Variants in GRIK3 observed in about 807,000 individuals in gnomAD.
GRIK3 encodes the protein glutamate receptor ionotropic, kainate 3.
GRIK3 carries 29 observed loss-of-function variants against 102.5 expected under a neutral mutation model. That is an observed-to-expected ratio of 0.28 (90% CI 0.21 to 0.39). GRIK3 has a LOEUF of 0.39. Among genes scored for constraint, GRIK3 ranks in the 10% least tolerant of loss-of-function variants. The pLI, the probability that GRIK3 is intolerant of heterozygous loss-of-function variation, is 1.00. For synonymous variants in GRIK3, 511 were observed against 504.9 expected (o/e 1.01, Z -0.16); for missense variants, 908 against 1,252.4 (o/e 0.73, Z 4.15).
At chr1:36,975,357 C>T (rs564408929) in intron 1 of GRIK3, among the ~76,000 whole-genome samples, 6 of 141,250 alleles carry the variant, frequency 4.2e-5, no homozygotes, top group South Asian at 2.3e-4. Context: ...TGCAGTGGCA[C>T]GATCTCAGCT....
chr1:36,954,180 G>T lies in GRIK3; in HGVS notation c.116-63084C>A, dbSNP rs116245849. On this transcript the variant is annotated intron_variant, in intron 1 of 15. Transcript: ENST00000373091. ...GCTTCTCAGGGTGAGATAGAGGGGGGCATTCCTGTTGGGAAGCTCTCACCC... is the reference window on the plus strand; with the variant it reads ...GCTTCTCAGGGTGAGATAGAGGGGGTCATTCCTGTTGGGAAGCTCTCACCC... Among the ~76,000 whole-genome samples, 1,461 of 152,306 alleles carry T rather than the reference G, an allele frequency of 9.6e-3. 14 individuals carry two copies. The highest frequency in any genetic ancestry group is 0.017 in the Middle Eastern group (5 of 294).
In GRIK3 at chr1:37,034,380, C is replaced by T. The variant is rs1286281347; in HGVS notation, c.-272G>A. On this transcript the variant is annotated 5_prime_UTR_variant, in exon 1 of 16. Transcript: ENST00000373091. ...CCCGGACTCCGCTCGGACTCGGCTC[C>T]GGCTCCGACTCGCGTCGGCTCGGCT... is the stretch of plus-strand genomic sequence containing the variant. Among the ~76,000 whole-genome samples, 3 of 150,930 alleles carry T rather than the reference C, an allele frequency of 2.0e-5. No individual in the cohort carries two copies. The highest frequency in any genetic ancestry group is 4.4e-5 in the Non-Finnish European group (3 of 67,566).
At chr1:36,967,834 G>A (rs1171649494) in intron 1 of GRIK3, among the ~76,000 whole-genome samples, 1 of 152,168 alleles carries the variant, frequency 6.6e-6, no homozygotes, top group Non-Finnish European at 1.5e-5. Flanking sequence ...AGCACATCCT[G>A]TTATGATAAT....
chr1:37,009,908 G>A (rs1392557139), intron 1 of GRIK3, among the ~76,000 whole-genome samples: 2 of 152,104 alleles, frequency 1.3e-5, no homozygotes, highest in South Asian at 2.1e-4. Flanking sequence ...GGAGCTTGGA[G>A]GGGGTGGCCT....
chr1:36,996,904 A>G (rs1327334652), intron 1 of GRIK3, among the ~76,000 whole-genome samples: 3 of 152,222 alleles, frequency 2.0e-5, no homozygotes, highest in Non-Finnish European at 4.4e-5. Flanking sequence ...ATGACGGAAG[A>G]CATTTTTGGT....
intron 1 of GRIK3, among the ~76,000 whole-genome samples, chr1:36,940,900 T>C (rs758090560): frequency 2.6e-5 from 4 of 152,236 alleles, no homozygotes; most frequent in Non-Finnish European, 4.4e-5. Context: ...CAGGGAAATA[T>C]ATCTCAGGGA....
intron 1 of GRIK3, among the ~76,000 whole-genome samples, chr1:36,938,768 T>C (rs1641687501): frequency 6.6e-6 from 1 of 152,154 alleles, no homozygotes; most frequent in Non-Finnish European, 1.5e-5. Flanking sequence ...CAGTGACTGT[T>C]GGGGGGTTGA....
At chr1:36,860,593 G>A (rs1280792088) in intron 5 of GRIK3, among the ~76,000 whole-genome samples, 2 of 152,196 alleles carry the variant, frequency 1.3e-5, no homozygotes, top group Non-Finnish European at 2.9e-5. Flanking sequence ...TCTGTCGTGG[G>A]CCAGGCAGGT....
chr1:36,909,888 T>C (rs1641327177), intron 1 of GRIK3, among the ~76,000 whole-genome samples: 1 of 152,190 alleles, frequency 6.6e-6, no homozygotes. Context: ...GTGCCTATAT[T>C]TTTTAAATTG....
intron 11 of GRIK3, among the ~76,000 whole-genome samples, chr1:36,822,021 G>A (rs1225886110): frequency 3.3e-5 from 5 of 152,090 alleles, no homozygotes; most frequent in African/African-American, 9.7e-5. Flanking sequence ...CAGTTCTTCC[G>A]GATCTACCTC....
rs1463247327 is a variant in GRIK3, at chr1:37,034,138, G to T, written c.-30C>A. The T allele has an allele frequency of 1.6e-6, 2 of 1,216,670 alleles. No individual in the cohort carries two copies. The highest frequency in any genetic ancestry group is 4.9e-5 in the Admixed American group (2 of 41,080). 75.4% of individuals were successfully genotyped at this position (1,216,670 alleles called of 1,614,324 possible). A position where few individuals can be genotyped will look rare whatever the true frequency, so the allele number is the denominator to read the frequency against. On this transcript the variant is annotated 5_prime_UTR_variant, in exon 1 of 16. Coordinates refer to ENST00000373091, the MANE Select transcript of GRIK3 (RefSeq NM_000831.4). Reference sequence around the variant, plus strand: ...GGGCGCCGCCGAGCGTGCCCGGGGCGCGGCCGTGGCGGGCTCCCTGGGGCG... The same window carrying T: ...GGGCGCCGCCGAGCGTGCCCGGGGCTCGGCCGTGGCGGGCTCCCTGGGGCG...
At position 36,970,034 on chromosome 1, in the gene GRIK3, C is replaced by G. The variant is rs550837535; in HGVS notation, c.115+63960G>C. Among the ~76,000 whole-genome samples, 24 of 152,298 alleles carry G rather than the reference C, an allele frequency of 1.6e-4. No homozygotes were observed. The East Asian group carries it at 3.5e-3, about 22-fold the overall frequency. On this transcript the variant is annotated intron_variant, in intron 1 of 15. Coordinates refer to ENST00000373091, the MANE Select transcript of GRIK3 (RefSeq NM_000831.4). Reference sequence around the variant, plus strand: ...AAGGTTGACAGGTAGGGTAAGGATGCTTGATGCCAGGTGTGATATCCAAAA... The same window carrying G: ...AAGGTTGACAGGTAGGGTAAGGATGGTTGATGCCAGGTGTGATATCCAAAA...
chr1:36,877,389 T>C (rs1236227940), intron 3 of GRIK3, among the ~76,000 whole-genome samples: 1 of 152,248 alleles, frequency 6.6e-6, no homozygotes, highest in Non-Finnish European at 1.5e-5. Context: ...TGCTCCTGTC[T>C]GGACCAGTGC....
chr1:36,817,481 C>T (rs888663033), intron 12 of GRIK3, among the ~76,000 whole-genome samples: 5 of 152,192 alleles, frequency 3.3e-5, no homozygotes, highest in African/African-American at 1.2e-4. Flanking sequence ...GGGCCCTTCC[C>T]CAGCACTCAC....
intron 1 of GRIK3, among the ~76,000 whole-genome samples, chr1:36,945,977 C>T (rs550115): frequency 6.6e-6 from 1 of 152,042 alleles, no homozygotes; most frequent in Non-Finnish European, 1.5e-5. Flanking sequence ...CTGGCCCCCT[C>T]GGAAATCTCT....
chr1:37,032,206 C>T (rs1276412155), intron 1 of GRIK3, among the ~76,000 whole-genome samples: 3 of 152,178 alleles, frequency 2.0e-5, no homozygotes, highest in African/African-American at 7.2e-5. Context: ...AGTAAGGATA[C>T]ATCATCCTGC....
chr1:37,031,762 GGA>G (rs1642830585), intron 1 of GRIK3, among the ~76,000 whole-genome samples: 1 of 152,216 alleles, frequency 6.6e-6, no homozygotes, highest in Admixed American at 6.5e-5. Flanking sequence ...TGGTGTGTTT[GGA>G]TTTTAGCATG....
intron 1 of GRIK3, among the ~76,000 whole-genome samples, chr1:36,959,182 T>G (rs1570825632): frequency 7.7e-6 from 1 of 129,106 alleles, no homozygotes; most frequent in Non-Finnish European, 1.7e-5. Context: ...GTCCCATGAC[T>G]CTGTGTCCCG....
intron 1 of GRIK3, among the ~76,000 whole-genome samples, chr1:36,957,222 A>C (rs1392432262): frequency 6.6e-6 from 1 of 152,112 alleles, no homozygotes; most frequent in Admixed American, 6.5e-5. Flanking sequence ...AGCAGGTGGG[A>C]GTGTGATCCT....
Sources: gnomAD v4.1 joint callset for allele counts (sites outside exome capture counted in the v4.1 genomes callset) on GRCh38, gnomAD v4.1.1 for gene constraint, MANE v1.5 for transcripts, NCBI Gene and HGNC (gene_info 2026-07-23, HGNC 2026-07-21) for gene names.